The following TENM4 variants were observed in gnomAD, a reference collection of about 807,000 sequenced individuals.
TENM4 encodes the protein teneurin transmembrane protein 4.
A neutral mutation model predicts 243.3 loss-of-function variants in TENM4; 82 were observed. The ratio of observed to expected loss-of-function variants is 0.34; its 90% CI spans 0.28 to 0.40. The LOEUF (loss-of-function observed/expected upper bound fraction) is 0.40, where lower values mean the gene tolerates loss of function less well. TENM4 is among the 10% of genes least tolerant of loss of function. The probability of loss-of-function intolerance (pLI) is 1.00; values close to 1 mark genes in which losing one functional copy is unlikely to be tolerated. For synonymous variants in TENM4, 1,412 were observed against 1,456.3 expected, an observed-to-expected ratio of 0.97 and a Z score of 0.69; for missense variants, 3,138 against 3,673.3, an observed-to-expected ratio of 0.85 and a Z score of 3.77.
intron 11 of TENM4, among the ~76,000 whole-genome samples, chr11:78,855,251 G>A (rs1858651405): frequency 6.6e-6 from 1 of 152,210 alleles, no homozygotes; most frequent in Non-Finnish European, 1.5e-5. Context: ...CTAGGGCTAG[G>A]AAGGCTGCAT....
At chr11:79,422,690 A>G (rs1858960711) in intron 1 of TENM4, among the ~76,000 whole-genome samples, 1 of 152,190 alleles carries the variant, frequency 6.6e-6, no homozygotes, top group Admixed American at 6.5e-5. Flanking sequence ...AAAAATAGTT[A>G]CAAAACACCA....
chr11:79,126,457 A>T (rs1490994718), intron 4 of TENM4, among the ~76,000 whole-genome samples: 3 of 152,238 alleles, frequency 2.0e-5, no homozygotes, highest in African/African-American at 7.2e-5. Flanking sequence ...GCAGGGGCCA[A>T]GTGGCGGCAC....
chr11:79,016,177 A>G (rs1479643220), intron 6 of TENM4, among the ~76,000 whole-genome samples: 2 of 152,204 alleles, frequency 1.3e-5, no homozygotes, highest in South Asian at 4.1e-4. Flanking sequence ...TGATGCTCTC[A>G]AAGATCTATT....
chr11:79,394,855 T>C (rs970137178), intron 1 of TENM4, among the ~76,000 whole-genome samples: 4 of 152,100 alleles, frequency 2.6e-5, no homozygotes, highest in East Asian at 1.9e-4. Context: ...AAGATAGCCA[T>C]GTGAGGGCGG....
At chr11:78,672,430 T>G (rs1049445780) in intron 30 of TENM4, 101 bp from the exon 31 acceptor site, 2 of 1,283,062 alleles carry the variant, frequency 1.6e-6, no homozygotes, top group African/African-American at 2.9e-5. Context: ...AGCTCTTGAG[T>G]AGAGGAGGGA....
intron 4 of TENM4, among the ~76,000 whole-genome samples, chr11:79,128,375 G>A (rs1054443678): frequency 2.6e-5 from 4 of 152,162 alleles, no homozygotes; most frequent in Admixed American, 6.5e-5. Flanking sequence ...TATCCATAAA[G>A]TGGCTCATGC....
intron 1 of TENM4, among the ~76,000 whole-genome samples, chr11:79,311,371 A>G (rs564850124): frequency 1.3e-5 from 2 of 152,312 alleles, no homozygotes; most frequent in Admixed American, 6.5e-5. Flanking sequence ...GTGTCTGCCC[A>G]TTAAGTGCTG....
intron 19 of TENM4, among the ~76,000 whole-genome samples, chr11:78,740,609 G>T (rs1855906521): frequency 6.6e-6 from 1 of 152,208 alleles, no homozygotes; most frequent in Non-Finnish European, 1.5e-5. Flanking sequence ...TTTCTTTAAT[G>T]GAGGACAATT....
intron 2 of TENM4, among the ~76,000 whole-genome samples, chr11:79,241,729 T>TGTGC (rs1161967045): frequency 6.6e-6 from 1 of 152,156 alleles, no homozygotes; most frequent in Non-Finnish European, 1.5e-5. Flanking sequence ...TGTGTGTGTG[T>TGTGC]GTGCATGTGT....
At chr11:78,913,921 G>T (rs1372162531) in intron 6 of TENM4, among the ~76,000 whole-genome samples, 3 of 152,144 alleles carry the variant, frequency 2.0e-5, no homozygotes, top group Admixed American at 2.0e-4. Flanking sequence ...GGAGTAGGGG[G>T]AGGACTGATG....
chr11:78,966,305 G>A (rs549242426), intron 6 of TENM4, among the ~76,000 whole-genome samples: 1 of 152,238 alleles, frequency 6.6e-6, no homozygotes, highest in South Asian at 2.1e-4. Context: ...GTGTGTGGCA[G>A]CCAGTAAATA....
chr11:79,193,499 C>G (rs1029820900), intron 3 of TENM4, among the ~76,000 whole-genome samples: 1 of 152,146 alleles, frequency 6.6e-6, no homozygotes, highest in Non-Finnish European at 1.5e-5. Flanking sequence ...AGCTTGTGGC[C>G]CGGCCGGTCA....
chr11:79,426,053 T>C (rs1474665982), intron 1 of TENM4, among the ~76,000 whole-genome samples: 1 of 152,170 alleles, frequency 6.6e-6, no homozygotes, highest in Non-Finnish European at 1.5e-5. Context: ...CTAGAATGAA[T>C]TTCCCCACAC....
At chr11:79,142,545 T>C (rs1862306529) in intron 4 of TENM4, among the ~76,000 whole-genome samples, 1 of 152,112 alleles carries the variant, frequency 6.6e-6, no homozygotes, top group South Asian at 2.1e-4. Context: ...ATTGTTAAAA[T>C]ACTCATGCTA....
intron 6 of TENM4, among the ~76,000 whole-genome samples, chr11:79,061,797 C>T (rs1860095656): frequency 6.6e-6 from 1 of 152,096 alleles, no homozygotes; most frequent in African/African-American, 2.4e-5. Flanking sequence ...TCTCATTTTG[C>T]TTGCTGTGTG....
intron 1 of TENM4, among the ~76,000 whole-genome samples, chr11:79,348,055 A>C (rs1857357506): frequency 6.6e-6 from 1 of 152,134 alleles, no homozygotes; most frequent in Non-Finnish European, 1.5e-5. Context: ...CTGGGATTAC[A>C]GGCGTGAGCC....
chr11:79,187,646 C>T (rs989342595), intron 3 of TENM4, among the ~76,000 whole-genome samples: 3 of 152,114 alleles, frequency 2.0e-5, no homozygotes, highest in Non-Finnish European at 2.9e-5. Flanking sequence ...AGTCCTAACC[C>T]CCAGTACCTC....
chr11:78,796,797 C>T (rs1389462989), intron 15 of TENM4, among the ~76,000 whole-genome samples: 1 of 152,194 alleles, frequency 6.6e-6, no homozygotes, highest in African/African-American at 2.4e-5. Flanking sequence ...GCCTTGATCT[C>T]CCATCTTTGT....
intron 6 of TENM4, among the ~76,000 whole-genome samples, chr11:78,987,150 C>T (rs972979930): frequency 3.9e-5 from 6 of 152,146 alleles, no homozygotes; most frequent in Non-Finnish European, 7.3e-5. Flanking sequence ...TGGGTACTTT[C>T]GTATTCTCAG....
Sources: allele counts gnomAD v4.1 joint callset (sites outside exome capture counted in the v4.1 genomes callset), GRCh38; gene constraint gnomAD v4.1.1; transcripts MANE v1.5; gene names NCBI Gene and HGNC (gene_info 2026-07-23, HGNC 2026-07-21).